The following RARB variants were observed in gnomAD, a reference collection of about 807,000 sequenced individuals.
RARB encodes the protein retinoic acid receptor beta, also known as HBV-activated protein.
In RARB, 17 loss-of-function variants were observed where a neutral mutation model predicts 51.9. That is an observed-to-expected ratio of 0.33 (90% CI 0.22 to 0.49). The LOEUF (loss-of-function observed/expected upper bound fraction) is 0.49. RARB is among the 20% of genes least tolerant of loss of function. The probability of loss-of-function intolerance (pLI) is 0.99; values close to 1 mark genes in which losing one functional copy is unlikely to be tolerated. For synonymous variants in RARB, 215 were observed against 195.4 expected (o/e 1.10, Z -0.84); for missense variants, 369 against 550.8 (o/e 0.67, Z 3.30).
At chr3:25,121,621 A>G (rs1370179309) in intron 3 of RARB, among the ~76,000 whole-genome samples, 1 of 152,142 alleles carries the variant, frequency 6.6e-6, no homozygotes, top group East Asian at 1.9e-4. Context: ...TCCTAAGGGT[A>G]GTTTGCAAAG....
intron 5 of RARB, among the ~76,000 whole-genome samples, chr3:25,261,033 A>T (rs1461244346): frequency 1.3e-5 from 2 of 152,284 alleles, no homozygotes; most frequent in Middle Eastern, 3.4e-3. Context: ...TGAGGCTAAG[A>T]GTAGTATCTA....
At chr3:24,944,264 C>A (rs921064105) in intron 2 of RARB, among the ~76,000 whole-genome samples, 3 of 152,160 alleles carry the variant, frequency 2.0e-5, no homozygotes, top group African/African-American at 7.2e-5. Context: ...AGACATTGAT[C>A]CCCTTGGGGA....
At chr3:24,968,368 C>G (rs1209635414) in intron 2 of RARB, among the ~76,000 whole-genome samples, 1 of 152,102 alleles carries the variant, frequency 6.6e-6, no homozygotes, top group African/African-American at 2.4e-5. Flanking sequence ...TTTCCCATGA[C>G]TAAAATAACA....
intron 5 of RARB, among the ~76,000 whole-genome samples, chr3:25,394,408 A>C (rs1707059018): frequency 6.6e-6 from 1 of 152,072 alleles, no homozygotes; most frequent in Admixed American, 6.6e-5. Context: ...AATATCTGTT[A>C]AGTTCATTTG....
chr3:25,576,350 C>T (rs3773438), intron 4 of RARB, among the ~76,000 whole-genome samples: 18,375 of 152,206 alleles, frequency 0.12, 1,242 homozygotes, highest in East Asian at 0.25. Flanking sequence ...TGATCTTTCT[C>T]AGATATGCCC....
chr3:25,046,683 G>T (rs1698223401), intron 2 of RARB, among the ~76,000 whole-genome samples: 1 of 152,048 alleles, frequency 6.6e-6, no homozygotes, highest in Admixed American at 6.5e-5. Context: ...TCAAACTCCT[G>T]TCCTCAAGTG....
intron 2 of RARB, among the ~76,000 whole-genome samples, chr3:24,978,378 T>C (rs1003080402): frequency 6.6e-6 from 1 of 152,202 alleles, no homozygotes; most frequent in Non-Finnish European, 1.5e-5. Flanking sequence ...TGAATCTGTC[T>C]GGTCCTGTAC....
At chr3:25,086,453 A>T (rs932721014) in intron 3 of RARB, among the ~76,000 whole-genome samples, 1 of 152,158 alleles carries the variant, frequency 6.6e-6, no homozygotes, top group Non-Finnish European at 1.5e-5. Flanking sequence ...TTTTTAACTT[A>T]TGAAGAGTTT....
intron 2 of RARB, among the ~76,000 whole-genome samples, chr3:24,876,590 C>G (rs573310656): frequency 1.7e-4 from 26 of 152,098 alleles, no homozygotes; most frequent in African/African-American, 7.2e-5. Flanking sequence ...CCATAATACT[C>G]TAGAAATATG....
intron 5 of RARB, among the ~76,000 whole-genome samples, chr3:25,241,122 T>C (rs776366101): frequency 6.6e-6 from 1 of 152,186 alleles, no homozygotes; most frequent in Non-Finnish European, 1.5e-5. Context: ...TGTATAGTTG[T>C]TCATAATAGT....
At chr3:25,028,785 C>T (rs1200639103) in intron 2 of RARB, among the ~76,000 whole-genome samples, 1 of 152,146 alleles carries the variant, frequency 6.6e-6, no homozygotes, top group African/African-American at 2.4e-5. Context: ...AGTCTTGTAA[C>T]TTTCTGGAAA....
chr3:25,157,380 G>GTGTGTGTATA (rs758200423), intron 4 of RARB, among the ~76,000 whole-genome samples: 14 of 146,762 alleles, frequency 9.5e-5, no homozygotes, highest in South Asian at 8.9e-4. Flanking sequence ...GTGTGTGTGT[G>GTGTGTGTATA]TATATATATG....
rs1701943434 is a variant in RARB, at chr3:25,221,313, A to G, written c.178+46738A>G. On this transcript the variant is annotated intron_variant, in intron 5 of 11. Transcript: ENST00000383772. The stretch of plus-strand genomic sequence containing the variant: ...TGAGACAACTCTCTGTCCTTACGCT[A>G]TGTGCTAAGTTAGTTCATAACTGAG... Among the ~76,000 whole-genome samples the G allele has an allele frequency of 2.7e-5, 4 of 150,332 alleles. No individual in the cohort carries two copies. In the South Asian group the frequency reaches 8.3e-4, roughly 31 times the overall value.
rs188170101 is a variant in RARB at position 25,247,133 on chromosome 3, C to T, written c.178+72558C>T. Among the ~76,000 whole-genome samples, 36 of 152,312 alleles carry T rather than the reference C, an allele frequency of 2.4e-4. 1 individual carries two copies. The East Asian group carries it at 6.6e-3, about 28-fold the overall frequency. ...TTCATTTACACTGCGAGGGGAAAATCGCCTACTCATGCCTCAGTAATGGCA... is the reference window on the plus strand; with the variant it reads ...TTCATTTACACTGCGAGGGGAAAATTGCCTACTCATGCCTCAGTAATGGCA... On this transcript the variant is annotated intron_variant, in intron 5 of 11. Transcript: ENST00000383772.
At chr3:24,964,318 T>A (rs1696208393) in intron 2 of RARB, among the ~76,000 whole-genome samples, 1 of 152,230 alleles carries the variant, frequency 6.6e-6, no homozygotes, top group South Asian at 2.1e-4. Context: ...AATAGGAATC[T>A]GTTCATTGCT....
At chr3:25,076,089 CAGTT>C (rs1190542683) in intron 3 of RARB, among the ~76,000 whole-genome samples, 1 of 151,854 alleles carries the variant, frequency 6.6e-6, no homozygotes, top group Non-Finnish European at 1.5e-5. Context: ...TTTCAGCTGT[CAGTT>C]AGATTAAGCC....
intron 3 of RARB, among the ~76,000 whole-genome samples, chr3:25,068,820 C>T (rs188252990): frequency 3.3e-5 from 5 of 152,100 alleles, no homozygotes; most frequent in South Asian, 2.1e-4. Flanking sequence ...AGGGGAAGAG[C>T]GGCTTATCTT....
intron 3 of RARB, among the ~76,000 whole-genome samples, chr3:25,507,803 G>A (rs1013927572): frequency 2.6e-5 from 4 of 152,196 alleles, no homozygotes; most frequent in African/African-American, 9.7e-5. Context: ...TATGACTCGG[G>A]TGCTGTGAGG....
Position 25,503,123 on chromosome 3 carries a change from C to T in RARB, c.448+1800C>T, listed in dbSNP as rs115534492. ...GGTCACTTTTCATCCAGTTCCTTTC[C>T]CTCTCTCCAAATTTTAGAGCCATTG... On this transcript the variant is annotated intron_variant, in intron 3 of 7. Coordinates refer to ENST00000330688, the MANE Select transcript of RARB (RefSeq NM_000965.5). 3.7e-3 allele frequency among the ~76,000 whole-genome samples: 559 copies of T among 151,934 alleles called. 7 individuals are homozygous for T. The highest frequency in any genetic ancestry group is 0.013 in the African/African-American group (538 of 41,346).
Sources: gnomAD v4.1 joint callset for allele counts (sites outside exome capture counted in the v4.1 genomes callset) on GRCh38, gnomAD v4.1.1 for gene constraint, MANE v1.5 for transcripts, NCBI Gene and HGNC (gene_info 2026-07-23, HGNC 2026-07-21) for gene names.